Variants in NUP107 observed in about 807,000 individuals in gnomAD.
The protein encoded by NUP107 is nucleoporin 107, also known as nuclear pore complex protein Nup107.
NUP107 carries 101 observed loss-of-function variants against 141.0 expected under a neutral mutation model. That is an observed-to-expected ratio of 0.72 (90% confidence interval 0.61 to 0.84). The LOEUF is 0.84. NUP107 is among the 40% of genes least tolerant of loss of function. NUP107 has a pLI of 0.00. For synonymous variants in NUP107, 319 were observed against 363.9 expected (o/e 0.88, Z 1.41); for missense variants, 941 against 1,102.7 (o/e 0.85, Z 2.08).
chr12:68,741,558 T>TA, intron 26 of NUP107, among the ~76,000 whole-genome samples: 1 of 152,228 alleles, frequency 6.6e-6, no homozygotes. Flanking sequence ...GCTCTAATGA[T>TA]ATTCAGTTTC....
At chr12:68,724,153 A>C (rs1379215707) in intron 17 of NUP107, among the ~76,000 whole-genome samples, 1 of 152,030 alleles carries the variant, frequency 6.6e-6, no homozygotes, top group Non-Finnish European at 1.5e-5. Flanking sequence ...TTAAAAGTCA[A>C]GTCTTTCTGT....
At chr12:68,693,057 A>T (rs1875887737) in intron 5 of NUP107, among the ~76,000 whole-genome samples, 1 of 149,000 alleles carries the variant, frequency 6.7e-6, no homozygotes, top group Admixed American at 6.7e-5. Context: ...GCCGCCAGCT[A>T]ATTTTTTATT....
At chr12:68,701,688 AT>A (rs1456533200) in intron 7 of NUP107, among the ~76,000 whole-genome samples, 1 of 152,100 alleles carries the variant, frequency 6.6e-6, no homozygotes, top group Non-Finnish European at 1.5e-5. Flanking sequence ...CAAAAAAAAA[AT>A]AATAATTTAA....
chr12:68,718,019 G>A (rs573751376), intron 12 of NUP107, among the ~76,000 whole-genome samples: 4 of 152,282 alleles, frequency 2.6e-5, no homozygotes, highest in African/African-American at 9.6e-5. Flanking sequence ...GCTCATGGAA[G>A]TGGGAAGTAT....
chr12:68,718,027 T>C (rs1291362136), intron 12 of NUP107, among the ~76,000 whole-genome samples: 1 of 152,096 alleles, frequency 6.6e-6, no homozygotes, highest in Non-Finnish European at 1.5e-5. Context: ...AAGTGGGAAG[T>C]ATAGAAGGTA....
chr12:68,696,018 A>T (rs1050414805), intron 5 of NUP107, among the ~76,000 whole-genome samples: 1 of 151,604 alleles, frequency 6.6e-6, no homozygotes, highest in Admixed American at 6.6e-5. Flanking sequence ...TTAAAAAAAA[A>T]AAAAAGAAAA....
In NUP107 at chr12:68,705,776, G is replaced by A. The variant is rs868181583; in HGVS notation, c.729+2992G>A. The A allele has an allele frequency of 1.2e-5, 9 of 744,166 alleles. 1 individual carries two copies. In the Middle Eastern group the frequency reaches 1.8e-3, roughly 150 times the overall value. 46.1% of individuals were successfully genotyped at this position (744,166 alleles called of 1,614,324 possible). A position where few individuals can be genotyped will look rare whatever the true frequency, so the allele number is the denominator to read the frequency against. On this transcript the variant is annotated intron_variant, in intron 8 of 27. Coordinates refer to ENST00000229179, the MANE Select transcript of NUP107 (RefSeq NM_020401.4). ...CGAATGGGCAGCAGCAGTTTCCGGG[G>A]TAGCCTGGGTGGAGACTTTGGCAGG...
Position 68,744,001 on chromosome 12 carries a change from G to C in NUP107, c.*1539G>C, listed in dbSNP as rs1352542489. The C allele has an allele frequency of 6.6e-6, 1 of 152,092 alleles. No homozygotes were observed. The highest frequency in any genetic ancestry group is 1.5e-5 in the Non-Finnish European group (1 of 68,006). 9.4% of individuals were successfully genotyped at this position (152,092 alleles called of 1,614,324 possible). A position where few individuals can be genotyped will look rare whatever the true frequency, so the allele number is the denominator to read the frequency against. ...ACAGACTAGATTTGGGGTGGGGAGGGGAAATAAGTGAGTCTTAAAAGTAGT... is the reference window on the plus strand; with the variant it reads ...ACAGACTAGATTTGGGGTGGGGAGGCGAAATAAGTGAGTCTTAAAAGTAGT... On this transcript the variant is annotated 3_prime_UTR_variant, in exon 28 of 28. Coordinates refer to ENST00000229179, the MANE Select transcript of NUP107 (RefSeq NM_020401.4).
At position 68,744,761 on chromosome 12, in the gene NUP107, A is replaced by T. The variant is rs928707720; in HGVS notation, c.*2299A>T. 6.6e-6 allele frequency: 1 copy of T among 152,228 alleles called. No individual in the cohort carries two copies. Among genetic ancestry groups the T allele is most frequent in the Admixed American group, 6.5e-5 (1 of 15,284 alleles). The allele number at this position is 152,228 out of a possible 1,614,324, so 9.4% of individuals were successfully genotyped here. On this transcript the variant is annotated 3_prime_UTR_variant, in exon 28 of 28. Coordinates refer to ENST00000229179, the MANE Select transcript of NUP107 (RefSeq NM_020401.4). ...TAAATACAGTTCAGTTGGAGCCCCA[A>T]GAGTGCCAATGTGCTCCTCACAATT...
At position 68,736,378 on chromosome 12, in the gene NUP107, T is replaced by C. The variant is rs145429605; in HGVS notation, c.2502+1034T>C. Among the ~76,000 whole-genome samples, 508 of 152,290 alleles carry C rather than the reference T, an allele frequency of 3.3e-3. 3 individuals carry two copies. The highest frequency in any genetic ancestry group is 0.011 in the African/African-American group (467 of 41,568). On this transcript the variant is annotated intron_variant, in intron 26 of 27. Coordinates refer to ENST00000229179, the MANE Select transcript of NUP107 (RefSeq NM_020401.4). ...AATTTGAGCCCCTATTTGCCACTAT[T>C]ACTGATGGAGTAATTATCTTAAATG... is the stretch of plus-strand genomic sequence containing the variant.
At chr12:68,706,486 TATG>T in intron 8 of NUP107, 1 of 701,624 alleles carries the variant, frequency 1.4e-6, no homozygotes, top group East Asian at 2.5e-5. Context: ...TGAGATCAAA[TATG>T]AGGAGCTGCA....
At position 68,719,416 on chromosome 12, in the gene NUP107, C is replaced by G. The variant is rs772974919; in HGVS notation, c.1159C>G (p.Pro387Ala). Residue 387 changes from proline to alanine, a missense_variant, in exon 13 of 28, where the codon CCT becomes GCT. Physicochemically the swap from Pro to Ala is conservative, Grantham distance 27. Coordinates refer to ENST00000229179, the MANE Select transcript of NUP107 (RefSeq NM_020401.4). ...TLEGWKLYHD[P>A]NVNGGTELEP... The stretch of plus-strand genomic sequence containing the variant: ...TGAAGGCTGGAAACTGTACCATGAC[C>G]CTAATGTTAATGGAGGTATTTTAGT... 13 of 1,613,700 alleles carry G rather than the reference C, an allele frequency of 8.1e-6. No homozygotes were observed. Among genetic ancestry groups the G allele is most frequent in the South Asian group, 7.7e-5 (7 of 91,048 alleles).
chr12:68,732,613 C>CT, intron 22 of NUP107, 24 bp from the exon 23 acceptor site: 8 of 1,444,592 alleles, frequency 5.5e-6, no homozygotes, highest in South Asian at 1.3e-5. Context: ...ATTCCTTTTT[C>CT]TTTTTTTCCC....
rs906472808 is a variant in NUP107, at chr12:68,735,212, C to G, written c.2389-19C>G. ...TTGGGTTTTATCCATTATATGTCTG[C>G]CTTGTGTTTGTTTTGCAGATGGATT... On this transcript the variant is annotated intron_variant, in intron 25 of 27. Coordinates refer to ENST00000229179, the MANE Select transcript of NUP107 (RefSeq NM_020401.4). 1 of 1,478,402 alleles carries G rather than the reference C, an allele frequency of 6.8e-7. No homozygotes were observed. Among genetic ancestry groups the G allele is most frequent in the African/African-American group, 1.4e-5 (1 of 72,108 alleles). The allele number at this position is 1,478,402 out of a possible 1,614,324, so 91.6% of individuals were successfully genotyped here. A position where few individuals can be genotyped will look rare whatever the true frequency, so the allele number is the denominator to read the frequency against.
chr12:68,700,933 G>A, intron 7 of NUP107, 80 bp downstream of exon 7: 3 of 1,366,224 alleles, frequency 2.2e-6, no homozygotes, highest in Admixed American at 5.3e-5. Flanking sequence ...AGTTAGGGTA[G>A]GTCGTGCTTG....
intron 20 of NUP107, among the ~76,000 whole-genome samples, chr12:68,728,076 C>T (rs917128231): frequency 7.9e-5 from 12 of 152,144 alleles, no homozygotes; most frequent in East Asian, 1.9e-4. Context: ...TGAGTCCAGA[C>T]GTTTGAGATC....
At chr12:68,696,018 AAAAAAG>A in intron 5 of NUP107, among the ~76,000 whole-genome samples, 1 of 151,722 alleles carries the variant, frequency 6.6e-6, no homozygotes, top group Admixed American at 6.6e-5. Flanking sequence ...TTAAAAAAAA[AAAAAAG>A]AAAAATGATT....
intron 10 of NUP107, 92 bp from the exon 11 acceptor site, chr12:68,713,638 C>T (rs1297430884): frequency 5.7e-6 from 5 of 880,362 alleles, no homozygotes; most frequent in Non-Finnish European, 9.1e-6. Context: ...GGATTGTAGT[C>T]TGTCTTTCTT....
At position 68,721,918 on chromosome 12, in the gene NUP107, G is replaced by A. The variant is rs17851475; in HGVS notation, c.1389G>A (p.Gln463=). 0.26 allele frequency: 418,855 copies of A among 1,613,638 alleles called. 56,322 individuals carry two copies. Among genetic ancestry groups the A allele is most frequent in the Middle Eastern group, 0.3 (1,806 of 6,062 alleles). Residue 463 remains glutamine (Q), a synonymous_variant, in exon 16 of 28, where the codon CAG becomes CAA. Coordinates refer to ENST00000229179, the MANE Select transcript of NUP107 (RefSeq NM_020401.4). ...FRVMVDSLVE[Q]EIQTSVATLD... is the part of the protein sequence containing the mutation. ...TGATGGTGGACAGTCTGGTAGAACAGGAGATCCAGACATCAGTAGCAACTC... is the reference window on the plus strand; with the variant it reads ...TGATGGTGGACAGTCTGGTAGAACAAGAGATCCAGACATCAGTAGCAACTC...
Sources: gnomAD v4.1 joint callset for allele counts (sites outside exome capture counted in the v4.1 genomes callset) on GRCh38, gnomAD v4.1.1 for gene constraint, MANE v1.5 for transcripts, NCBI Gene and HGNC (gene_info 2026-07-23, HGNC 2026-07-21) for gene names.